The following SH3BGRL2 variants were observed in gnomAD, a reference collection of about 807,000 sequenced individuals.
SH3BGRL2 encodes SH3 domain-binding glutamic acid-rich-like protein 2.
SH3BGRL2 carries 21 observed loss-of-function variants against 14.8 expected under a neutral mutation model. The observed-to-expected ratio is 1.42, with a 90% CI of 1.01 to 2.05. The LOEUF is 2.05. SH3BGRL2 is among the 30% of genes most tolerant of loss of function. SH3BGRL2 has a pLI of 0.00. For missense variants in SH3BGRL2, 147 were observed against 130.8 expected, an observed-to-expected ratio of 1.12 and a Z score of -0.61; for synonymous variants, 50 against 47.8, an observed-to-expected ratio of 1.05 and a Z score of -0.19.
At chr6:79,575,949 T>C in the SH3BGRL2 span, among the ~76,000 whole-genome samples, 2 of 150,010 alleles carry the variant, frequency 1.3e-5, no homozygotes, top group Non-Finnish European at 1.5e-5. Flanking sequence ...ATATATTAAA[T>C]GTTTATAAGT....
chr6:79,697,670 C>T (rs940406483), intron 3 of SH3BGRL2, among the ~76,000 whole-genome samples: 21 of 152,220 alleles, frequency 1.4e-4, no homozygotes, highest in Admixed American at 2.6e-4. Flanking sequence ...GCAAAACCCA[C>T]GCATGCCGTA....
the SH3BGRL2 span, among the ~76,000 whole-genome samples, chr6:79,608,353 C>G: frequency 1.1e-3 from 172 of 152,326 alleles, 1 homozygote; most frequent in African/African-American, 4.0e-3. Flanking sequence ...CCAACAGCAC[C>G]TGGACCAAGA....
chr6:79,545,648 A>C, the SH3BGRL2 span, among the ~76,000 whole-genome samples: 1 of 152,242 alleles, frequency 6.6e-6, no homozygotes, highest in Non-Finnish European at 1.5e-5. Flanking sequence ...AGGCTAAGTA[A>C]AGCATGGAGG....
At chr6:79,617,076 C>T in the SH3BGRL2 span, among the ~76,000 whole-genome samples, 2 of 151,616 alleles carry the variant, frequency 1.3e-5, no homozygotes, top group Admixed American at 1.3e-4. Flanking sequence ...TCCCAGCTAC[C>T]CAGGAGGCTA....
chr6:79,662,654 G>A lies in SH3BGRL2; in HGVS notation c.46-10960G>A, dbSNP rs376831376. ...AGTTGCTCTTCTCGGGAGTATCTTT[G>A]TTGTGTTCTCTGTGTTTCCTGAATT... is the stretch of plus-strand genomic sequence containing the variant. On this transcript the variant is annotated intron_variant, in intron 1 of 3. Transcript: ENST00000369838. 1.9e-4 allele frequency among the ~76,000 whole-genome samples: 29 copies of A among 152,192 alleles called. No individual in the cohort carries two copies. In the East Asian group the frequency reaches 5.2e-3, roughly 27 times the overall value.
At chr6:79,572,817 T>C in the SH3BGRL2 span, among the ~76,000 whole-genome samples, 1 of 152,196 alleles carries the variant, frequency 6.6e-6, no homozygotes, top group Non-Finnish European at 1.5e-5. Context: ...TTTTCATGTG[T>C]GTTCATGTTA....
chr6:79,664,265 G>A (rs1769612756), intron 1 of SH3BGRL2, among the ~76,000 whole-genome samples: 1 of 152,230 alleles, frequency 6.6e-6, no homozygotes, highest in Admixed American at 6.5e-5. Context: ...GCTGGGATCT[G>A]CAGACTGGAG....
Position 79,631,349 on chromosome 6 carries a change from G to T in SH3BGRL2, c.-113G>T, listed in dbSNP as rs1423749464. The T allele has an allele frequency of 2.0e-6, 2 of 975,974 alleles. No individual in the cohort carries two copies. Among genetic ancestry groups the T allele is most frequent in the South Asian group, 2.5e-5 (1 of 39,444 alleles). The allele number at this position is 975,974 out of a possible 1,614,324, so 60.5% of individuals were successfully genotyped here. Reference sequence around the variant, plus strand: ...GAGCCAGATCCCAGCGATCTTCCCCGACGGCAGCGCTTTACCCAGAGGCTG... The same window carrying T: ...GAGCCAGATCCCAGCGATCTTCCCCTACGGCAGCGCTTTACCCAGAGGCTG... On this transcript the variant is annotated 5_prime_UTR_variant, in exon 1 of 4. Transcript: ENST00000369838.
the SH3BGRL2 span, among the ~76,000 whole-genome samples, chr6:79,549,488 T>C: frequency 1.3e-5 from 2 of 152,336 alleles, no homozygotes; most frequent in Non-Finnish European, 2.9e-5. Context: ...ATTTTTACTC[T>C]ACGTGTTCTA....
chr6:79,563,017 G>A, the SH3BGRL2 span, among the ~76,000 whole-genome samples: 28 of 152,084 alleles, frequency 1.8e-4, no homozygotes, highest in Non-Finnish European at 1.5e-5. Flanking sequence ...GTGCAGTAGC[G>A]CCATCTGGGC....
chr6:79,581,060 A>C, the SH3BGRL2 span, among the ~76,000 whole-genome samples: 1 of 152,202 alleles, frequency 6.6e-6, no homozygotes, highest in African/African-American at 2.4e-5. Context: ...AAATTCCTGG[A>C]CACATACACC....
chr6:79,565,912 C>T, the SH3BGRL2 span, among the ~76,000 whole-genome samples: 1 of 152,340 alleles, frequency 6.6e-6, no homozygotes, highest in Admixed American at 6.5e-5. Flanking sequence ...CCACTAATTT[C>T]CTTCTATCCA....
the SH3BGRL2 span, among the ~76,000 whole-genome samples, chr6:79,567,642 A>C: frequency 6.6e-6 from 1 of 152,272 alleles, no homozygotes; most frequent in East Asian, 1.9e-4. Flanking sequence ...GAATTTACTT[A>C]TACTTTTTAA....
At chr6:79,683,528 C>T (rs1483634701) in intron 2 of SH3BGRL2, among the ~76,000 whole-genome samples, 1 of 151,696 alleles carries the variant, frequency 6.6e-6, no homozygotes, top group East Asian at 1.9e-4. Flanking sequence ...GCACAGTCAC[C>T]ACTCACTGCA....
the SH3BGRL2 span, among the ~76,000 whole-genome samples, chr6:79,578,935 A>G: frequency 2.0e-5 from 3 of 152,228 alleles, no homozygotes; most frequent in African/African-American, 4.8e-5. Flanking sequence ...AACTAGAATA[A>G]ACAGTGTAGA....
intron 1 of SH3BGRL2, among the ~76,000 whole-genome samples, chr6:79,656,000 G>T (rs930004922): frequency 6.6e-6 from 1 of 152,210 alleles, no homozygotes; most frequent in East Asian, 1.9e-4. Flanking sequence ...GCCTGGGCCC[G>T]GGTATGGACT....
At chr6:79,655,746 T>C (rs1286131576) in intron 1 of SH3BGRL2, among the ~76,000 whole-genome samples, 5 of 152,358 alleles carry the variant, frequency 3.3e-5, no homozygotes, top group African/African-American at 1.2e-4. Context: ...TCATCCATGT[T>C]GTACATGTAT....
chr6:79,614,733 C>T, the SH3BGRL2 span, among the ~76,000 whole-genome samples: 1 of 152,076 alleles, frequency 6.6e-6, no homozygotes, highest in African/African-American at 2.4e-5. Context: ...GAGACAAACC[C>T]TGAGTCAGGC....
At chr6:79,649,246 G>C (rs916242813) in intron 1 of SH3BGRL2, among the ~76,000 whole-genome samples, 2 of 152,138 alleles carry the variant, frequency 1.3e-5, no homozygotes, top group African/African-American at 2.4e-5. Context: ...TGGACTCTGG[G>C]AATGTCAGCA....
Sources: allele counts gnomAD v4.1 joint callset (sites outside exome capture counted in the v4.1 genomes callset), GRCh38; gene constraint gnomAD v4.1.1; transcripts MANE v1.5; gene names NCBI Gene and HGNC (gene_info 2026-07-23, HGNC 2026-07-21).